Variants in ROBO1 observed in about 807,000 individuals in gnomAD.
ROBO1 encodes roundabout homolog 1.
In ROBO1, 149 loss-of-function variants were observed where a neutral mutation model predicts 195.9. That is an observed-to-expected ratio of 0.76 (90% CI 0.67 to 0.87). The LOEUF is 0.87. Among genes scored for constraint, ROBO1 ranks in the 40% least tolerant of loss-of-function variants. The pLI is 0.00. For synonymous variants in ROBO1, 816 were observed against 733.2 expected (o/e 1.11, Z -1.82); for missense variants, 1,933 against 2,068.3 (o/e 0.93, Z 1.27).
intron 2 of ROBO1, among the ~76,000 whole-genome samples, chr3:79,196,570 T>C (rs2081641713): frequency 1.3e-5 from 2 of 151,790 alleles, no homozygotes; most frequent in African/African-American, 4.8e-5. Context: ...CTACAATGGC[T>C]ACCCAATTTT....
intron 1 of ROBO1, among the ~76,000 whole-genome samples, chr3:79,654,702 C>T (rs1946108975): frequency 1.4e-5 from 2 of 146,724 alleles, no homozygotes; most frequent in South Asian, 4.5e-4. Context: ...TTTTGAATTG[C>T]ACTCTGTTTA....
chr3:78,785,070 A>T (rs1484744434), intron 4 of ROBO1, among the ~76,000 whole-genome samples: 2 of 152,224 alleles, frequency 1.3e-5, no homozygotes, highest in Non-Finnish European at 2.9e-5. Context: ...TCTAAAATGT[A>T]ACTGGACCTC....
intron 2 of ROBO1, among the ~76,000 whole-genome samples, chr3:79,508,952 T>C (rs192231431): frequency 7.1e-4 from 108 of 152,308 alleles, no homozygotes; most frequent in Middle Eastern, 3.4e-3. Context: ...ATAAGTCTTA[T>C]AGAAATAACA....
intron 3 of ROBO1, among the ~76,000 whole-genome samples, chr3:78,955,340 T>C (rs2040994305): frequency 6.6e-6 from 1 of 152,102 alleles, no homozygotes; most frequent in Non-Finnish European, 1.5e-5. Context: ...GACATGTATT[T>C]TTTCTGAACC....
chr3:79,563,548 G>C (rs910251814), intron 2 of ROBO1, among the ~76,000 whole-genome samples: 1 of 151,982 alleles, frequency 6.6e-6, no homozygotes, highest in African/African-American at 2.4e-5. Context: ...TAATGAATAG[G>C]GGAGAAAAAC....
intron 2 of ROBO1, among the ~76,000 whole-genome samples, chr3:79,515,635 A>G (rs1162955793): frequency 6.6e-6 from 1 of 152,214 alleles, no homozygotes; most frequent in East Asian, 1.9e-4. Context: ...CATAAATAAT[A>G]TTCTCAGTGT....
chr3:79,353,770 C>T (rs761118708), intron 2 of ROBO1, among the ~76,000 whole-genome samples: 20 of 152,096 alleles, frequency 1.3e-4, no homozygotes, highest in Non-Finnish European at 2.5e-4. Flanking sequence ...GCAGGCCAGG[C>T]GCAGTGGCTC....
chr3:78,903,384 C>T (rs1428358624), intron 4 of ROBO1, among the ~76,000 whole-genome samples: 1 of 151,864 alleles, frequency 6.6e-6, no homozygotes, highest in Non-Finnish European at 1.5e-5. Flanking sequence ...CCAACACCTG[C>T]CTTCCAACTT....
chr3:79,198,121 G>A (rs565102583), intron 2 of ROBO1, among the ~76,000 whole-genome samples: 71 of 152,048 alleles, frequency 4.7e-4, no homozygotes, highest in Non-Finnish European at 6.2e-4. Context: ...CCATGCCTAT[G>A]TCCTGAATGG....
At chr3:79,739,929 T>C (rs1703551339) in intron 1 of ROBO1, among the ~76,000 whole-genome samples, 1 of 152,166 alleles carries the variant, frequency 6.6e-6, no homozygotes, top group South Asian at 2.1e-4. Flanking sequence ...ATTATCTTCA[T>C]GTATTAGAAA....
At chr3:79,522,555 T>A (rs1453145220) in intron 2 of ROBO1, among the ~76,000 whole-genome samples, 1 of 152,118 alleles carries the variant, frequency 6.6e-6, no homozygotes, top group Non-Finnish European at 1.5e-5. Flanking sequence ...TGCATTTCCA[T>A]CCACCCAAGG....
chr3:79,064,654 C>T (rs1025160641), intron 3 of ROBO1, among the ~76,000 whole-genome samples: 1 of 151,892 alleles, frequency 6.6e-6, no homozygotes, highest in Non-Finnish European at 1.5e-5. Flanking sequence ...CACACCACTT[C>T]GGAGTAATCT....
chr3:78,845,481 C>T (rs982469229), intron 4 of ROBO1, among the ~76,000 whole-genome samples: 2 of 151,986 alleles, frequency 1.3e-5, no homozygotes, highest in African/African-American at 4.8e-5. Context: ...TATATGTATA[C>T]ACTTTAGTGT....
intron 4 of ROBO1, among the ~76,000 whole-genome samples, chr3:78,800,411 A>C (rs981623018): frequency 2.6e-5 from 4 of 152,162 alleles, no homozygotes; most frequent in African/African-American, 9.7e-5. Context: ...TATGCTCAGG[A>C]AAGTTAAGCT....
At position 79,163,428 on chromosome 3, in the gene ROBO1, C is replaced by T. The variant is rs761378693; in HGVS notation, c.89-37889G>A. ...CACATTTTGCTGGTTCATTCATCTG[C>T]TGATGGACATTTGGATTGCTTCCAT... On this transcript the variant is annotated intron_variant, in intron 2 of 30. Coordinates refer to ENST00000464233, the MANE Select transcript of ROBO1 (RefSeq NM_002941.4). 3.9e-5 allele frequency among the ~76,000 whole-genome samples: 6 copies of T among 152,182 alleles called. No individual in the cohort carries two copies. The South Asian group carries it at 1.0e-3, about 26-fold the overall frequency.
intron 2 of ROBO1, among the ~76,000 whole-genome samples, chr3:79,452,249 A>G (rs1413954536): frequency 6.6e-6 from 1 of 152,098 alleles, no homozygotes; most frequent in African/African-American, 2.4e-5. Flanking sequence ...GCTCTTAAAT[A>G]AATACAAAGT....
At chr3:78,672,260 C>T (rs200928618) in intron 10 of ROBO1, among the ~76,000 whole-genome samples, 1 of 135,356 alleles carries the variant, frequency 7.4e-6, no homozygotes, top group Admixed American at 7.6e-5. Flanking sequence ...ACAACAACAA[C>T]AAAAAAAACT....
At chr3:78,798,685 T>A (rs1207832991) in intron 4 of ROBO1, among the ~76,000 whole-genome samples, 1 of 152,198 alleles carries the variant, frequency 6.6e-6, no homozygotes, top group East Asian at 1.9e-4. Context: ...GATCTCTGAC[T>A]AGGCAAACAT....
chr3:78,935,583 A>C (rs1465741304), intron 4 of ROBO1, among the ~76,000 whole-genome samples: 1 of 152,022 alleles, frequency 6.6e-6, no homozygotes, highest in African/African-American at 2.4e-5. Flanking sequence ...CTATTTTCCT[A>C]ATAAAGTTTT....
Sources: gnomAD v4.1 joint callset for allele counts (sites outside exome capture counted in the v4.1 genomes callset) on GRCh38, gnomAD v4.1.1 for gene constraint, MANE v1.5 for transcripts, NCBI Gene and HGNC (gene_info 2026-07-23, HGNC 2026-07-21) for gene names.